The following TMEM132B variants were observed in gnomAD, a reference collection of about 807,000 sequenced individuals.
TMEM132B encodes the protein transmembrane protein 132B.
In TMEM132B, 18 loss-of-function variants were observed where a neutral mutation model predicts 90.8. The ratio of observed to expected loss-of-function variants is 0.20; its 90% CI spans 0.14 to 0.29. The LOEUF (loss-of-function observed/expected upper bound fraction) is 0.29. Among genes scored for constraint, TMEM132B ranks in the 10% least tolerant of loss-of-function variants. TMEM132B has a pLI of 1.00. For synonymous variants in TMEM132B, 504 were observed against 523.3 expected (o/e 0.96, Z 0.50); for missense variants, 1,096 against 1,326.8 (o/e 0.83, Z 2.70).
rs764860749 is a variant in TMEM132B at position 125,350,030 on chromosome 12, G to A, written c.646G>A (p.Gly216Arg). 6.2e-6 allele frequency: 10 copies of A among 1,614,050 alleles called. No individual in the cohort carries two copies. Among genetic ancestry groups the A allele is most frequent in the East Asian group, 2.2e-5 (1 of 44,888 alleles). ...AGAGGAGGAGATCCCAGCCCTGCTCGGGGGCACCACGATGGAGCTCTTCTT... is the reference window on the plus strand; with the variant it reads ...AGAGGAGGAGATCCCAGCCCTGCTCAGGGGCACCACGATGGAGCTCTTCTT... ...EPEEEIPALL[G>R]GTTMELFFTL... is the part of the protein sequence containing the mutation. Residue 216 changes from glycine to arginine, a missense_variant, in exon 2 of 9, where the codon GGG becomes AGG. Gly to Arg is a moderately radical substitution (Grantham distance 125). Coordinates refer to ENST00000682704, the MANE Select transcript of TMEM132B (RefSeq NM_001366854.1).
chr12:125,563,078 G>A (rs11609060), intron 4 of TMEM132B, among the ~76,000 whole-genome samples: 1,613 of 151,572 alleles, frequency 0.011, 20 homozygotes, highest in Non-Finnish European at 0.018. Context: ...CATAGGCATC[G>A]TTTGTGGCAC....
chr12:125,454,376 G>GTCTT lies in TMEM132B; in HGVS notation c.1106+38700_1106+38701insCTTT, dbSNP rs764665187. Among the ~76,000 whole-genome samples the GTCTT allele has an allele frequency of 4.1e-3, 435 of 104,972 alleles. 3 individuals carry two copies. Among genetic ancestry groups the GTCTT allele is most frequent in the African/African-American group, 0.017 (411 of 24,520 alleles). The allele number at this position is 104,972 out of a possible 152,430, so 68.9% of individuals were successfully genotyped here. A position where few individuals can be genotyped will look rare whatever the true frequency, so the allele number is the denominator to read the frequency against. On this transcript the variant is annotated intron_variant, in intron 3 of 8. Coordinates refer to ENST00000682704, the MANE Select transcript of TMEM132B (RefSeq NM_001366854.1). Reference sequence around the variant, plus strand: ...AGGAAGTGCCTGCCTACAGCCAGCCGTGTGTGTGTGTGTGTTTGTGTGTGT... The same window carrying GTCTT: ...AGGAAGTGCCTGCCTACAGCCAGCCGTCTTTGTGTGTGTGTGTGTTTGTGTGTGT...
chr12:125,656,362 AGTT>A lies in TMEM132B; in HGVS notation c.*1656_*1658del, dbSNP rs1240881101. On this transcript the variant is annotated 3_prime_UTR_variant, in exon 9 of 9. Coordinates refer to ENST00000682704, the MANE Select transcript of TMEM132B (RefSeq NM_001366854.1). ...TGAGCTAATCCAAGGAGAGGCGTTC[AGTT>A]GTTCTCTTATTATAGATTTCCTTGG... The A allele has an allele frequency of 6.6e-6, 1 of 152,184 alleles. No individual in the cohort carries two copies. The highest frequency in any genetic ancestry group is 1.5e-5 in the Non-Finnish European group (1 of 68,036). The allele number at this position is 152,184 out of a possible 1,614,324, so 9.4% of individuals were successfully genotyped here.
chr12:125,373,164 A>C (rs161713), intron 2 of TMEM132B, among the ~76,000 whole-genome samples: 95,795 of 152,042 alleles, frequency 0.63, 31,003 homozygotes, highest in East Asian at 0.95. Context: ...GACATGTATC[A>C]CCAGTGCCAA....
At chr12:125,515,424 C>T (rs1180714208) in intron 3 of TMEM132B, among the ~76,000 whole-genome samples, 3 of 126,462 alleles carry the variant, frequency 2.4e-5, no homozygotes, top group African/African-American at 3.3e-5. Context: ...TTTGCTCACA[C>T]ACTCTCACAC....
At chr12:125,261,062 G>GTTTAA (rs1874556889) in intron 1 of TMEM132B, among the ~76,000 whole-genome samples, 1 of 152,084 alleles carries the variant, frequency 6.6e-6, no homozygotes, top group South Asian at 2.1e-4. Context: ...CACTGGTTGT[G>GTTTAA]TTTACATTGG....
In TMEM132B at chr12:125,384,049, C is replaced by T. The variant is rs143586154; in HGVS notation, c.960-31482C>T. Among the ~76,000 whole-genome samples the T allele has an allele frequency of 2.2e-3, 341 of 152,214 alleles. 3 individuals carry two copies. Among genetic ancestry groups the T allele is most frequent in the African/African-American group, 7.6e-3 (314 of 41,536 alleles). ...GCAACCTCTGCCTCCTGGGTTCAAG[C>T]GATTCTCCTGCCTCAGCTTCCCAAG... is the stretch of plus-strand genomic sequence containing the variant. On this transcript the variant is annotated intron_variant, in intron 2 of 8. Coordinates refer to ENST00000682704, the MANE Select transcript of TMEM132B (RefSeq NM_001366854.1).
intron 2 of TMEM132B, among the ~76,000 whole-genome samples, chr12:125,401,223 C>G (rs1344201091): frequency 6.6e-6 from 1 of 152,118 alleles, no homozygotes; most frequent in African/African-American, 2.4e-5. Flanking sequence ...CTTCATTCGA[C>G]CAATATTGAT....
chr12:125,201,266 T>G (rs185676603), intron 1 of TMEM132B, among the ~76,000 whole-genome samples: 1 of 152,332 alleles, frequency 6.6e-6, no homozygotes, highest in East Asian at 1.9e-4. Context: ...CATCTTCTAT[T>G]TGATCAATTT....
chr12:125,215,952 C>A (rs2136069266), intron 1 of TMEM132B, among the ~76,000 whole-genome samples: 1 of 152,338 alleles, frequency 6.6e-6, no homozygotes, highest in South Asian at 2.1e-4. Flanking sequence ...GGGCAGTGTT[C>A]TAGGGATTAG....
At position 125,415,549 on chromosome 12, in the gene TMEM132B, T is replaced by A. The variant is rs3809261; in HGVS notation, c.978T>A (p.Gly326=). Residue 326 remains glycine, a synonymous_variant, in exon 3 of 9, where the codon GGT becomes GGA. Coordinates refer to ENST00000682704, the MANE Select transcript of TMEM132B (RefSeq NM_001366854.1). The surrounding 1 kb of genome is among the most constrained non-coding windows in gnomAD (Gnocchi z 5.3). ...CCCACAGAATTAAGGCGGCAGCAGG[T>A]GTGAAGATAACGGCAGTGAGAGTCA... ...QFTLRIKAAA[G]VKITAVRVSS... is the part of the protein sequence containing the mutation. 144,389 of 1,614,046 alleles carry A rather than the reference T, an allele frequency of 0.089. 6,867 individuals carry two copies. The highest frequency in any genetic ancestry group is 0.17 in the East Asian group (7,438 of 44,876).
intron 1 of TMEM132B, chr12:125,301,877 T>TCAAAACGAAACAAAA (rs1875833311): frequency 7.0e-6 from 1 of 143,838 alleles, no homozygotes; most frequent in Non-Finnish European, 1.5e-5. Context: ...AGACTCCGTC[T>TCAAAACGAAACAAAA]CAAAACAAAA....
At chr12:125,506,008 C>T (rs1882839178) in intron 3 of TMEM132B, among the ~76,000 whole-genome samples, 3 of 152,186 alleles carry the variant, frequency 2.0e-5, no homozygotes, top group African/African-American at 7.2e-5. Flanking sequence ...AAACTTACTT[C>T]TAGGTATTGC....
At chr12:125,443,797 A>T (rs563949238) in intron 3 of TMEM132B, among the ~76,000 whole-genome samples, 100 of 152,196 alleles carry the variant, frequency 6.6e-4, no homozygotes, top group East Asian at 1.7e-3. Context: ...TGTTTTTTTT[A>T]AAAATATAAA....
At chr12:125,484,517 G>A (rs1277200548) in intron 3 of TMEM132B, among the ~76,000 whole-genome samples, 3 of 152,136 alleles carry the variant, frequency 2.0e-5, no homozygotes, top group Non-Finnish European at 4.4e-5. Flanking sequence ...TGCAGGCTTG[G>A]ACAAGACAGT....
intron 3 of TMEM132B, among the ~76,000 whole-genome samples, chr12:125,464,045 C>G (rs1593159373): frequency 6.6e-6 from 1 of 152,148 alleles, no homozygotes; most frequent in Non-Finnish European, 1.5e-5. Context: ...ATGATTCAGT[C>G]CCCCCTCTCC....
rs778999269 is a variant in TMEM132B at position 125,654,730 on chromosome 12, A to T, written c.*20A>T. ...ATGTAAACTCCTTTCTTATGTTTGT[A>T]TTCACCTTTATGCCTTCTGTTTTTT... On this transcript the variant is annotated 3_prime_UTR_variant, in exon 9 of 9. Coordinates refer to ENST00000682704, the MANE Select transcript of TMEM132B (RefSeq NM_001366854.1). This position sits in a 1 kb window ranked among gnomAD's most constrained non-coding sequence, Gnocchi z 5.8. 1 of 1,603,042 alleles carries T rather than the reference A, an allele frequency of 6.2e-7. No individual in the cohort carries two copies. Among genetic ancestry groups the T allele is most frequent in the Admixed American group, 1.7e-5 (1 of 58,750 alleles).
chr12:125,386,087 G>A (rs933478376), intron 2 of TMEM132B, among the ~76,000 whole-genome samples: 1 of 152,048 alleles, frequency 6.6e-6, no homozygotes, highest in Admixed American at 6.6e-5. Flanking sequence ...CTGCCTCCCG[G>A]GCTCAGGTGA....
chr12:125,301,855 G>A (rs1267908177), intron 1 of TMEM132B: 1 of 136,038 alleles, frequency 7.4e-6, no homozygotes, highest in Non-Finnish European at 1.6e-5. Flanking sequence ...CTCCAGTCTG[G>A]GCGACAGAGC....
Sources: gnomAD v4.1 joint callset for allele counts (sites outside exome capture counted in the v4.1 genomes callset) on GRCh38, gnomAD v4.1.1 for gene constraint, Gnocchi (gnomAD v3.1) non-coding constraint, MANE v1.5 for transcripts, NCBI Gene and HGNC (gene_info 2026-07-23, HGNC 2026-07-21) for gene names.